The following WAPL variants were observed in gnomAD, a reference collection of about 807,000 sequenced individuals.
WAPL encodes the protein wings apart-like protein homolog.
A neutral mutation model predicts 121.0 loss-of-function variants in WAPL; 5 were observed. The ratio of observed to expected loss-of-function variants is 0.04; its 90% CI spans 0.02 to 0.09. The LOEUF is 0.09. Among genes scored for constraint, WAPL ranks in the 10% least tolerant of loss-of-function variants. WAPL has a pLI of 1.00. For synonymous variants in WAPL, 480 were observed against 481.5 expected (o/e 1.00, Z 0.04); for missense variants, 999 against 1,410.8 (o/e 0.71, Z 4.68).
rs143226860 is a variant in WAPL, at chr10:86,510,814, T to C, written c.499+6757A>G. ...GTCAAAAACTTTATTCGGTAAGTAT[T>C]AAAAATAGTTTGGTCATCATTCTTG... On this transcript the variant is annotated intron_variant, in intron 2 of 18. Transcript: ENST00000298767. Among the ~76,000 whole-genome samples, 243 of 152,012 alleles carry C rather than the reference T, an allele frequency of 1.6e-3. 1 individual carries two copies. The highest frequency in any genetic ancestry group is 5.4e-3 in the African/African-American group (226 of 41,542).
chr10:86,497,735 T>TA (rs1842176189), intron 3 of WAPL, among the ~76,000 whole-genome samples: 2 of 152,212 alleles, frequency 1.3e-5, no homozygotes, highest in Admixed American at 6.5e-5. Context: ...TTAAATCCAC[T>TA]AAATCATGTT....
Position 86,499,976 on chromosome 10 carries a change from C to G in WAPL, c.1267G>C (p.Asp423His), listed in dbSNP as rs1842216498. 2 of 1,614,100 alleles carry G rather than the reference C, an allele frequency of 1.2e-6. No individual in the cohort carries two copies. ...FRPSNTKSKK[D>H]VKLEFFGFED... is the part of the protein sequence containing the mutation. ...AAACCAAAAAATTCAAGTTTAACAT[C>G]CTTTTTGGATTTAGTATTACTAGGT... Residue 423 changes from aspartate to histidine, a missense_variant, in exon 3 of 19, where the codon GAT becomes CAT. Physicochemically the swap from Asp to His is moderately conservative, Grantham distance 81. This residue lies in a region of WAPL where 531 missense variants were observed against 563.1 expected (regional missense o/e 0.94). Coordinates refer to ENST00000298767, the MANE Select transcript of WAPL (RefSeq NM_015045.5).
Position 86,435,899 on chromosome 10 carries a change from T to C in WAPL, c.*1644A>G, listed in dbSNP as rs940877426. ...TATAACTAATTTAATTTTACGGGTA[T>C]CATTTACCAATATGTTTTTAAAAGT... is the stretch of plus-strand genomic sequence containing the variant. On this transcript the variant is annotated 3_prime_UTR_variant, in exon 19 of 19. Coordinates refer to ENST00000298767, the MANE Select transcript of WAPL (RefSeq NM_015045.5). 1 of 152,244 alleles carries C rather than the reference T, an allele frequency of 6.6e-6. No individual in the cohort carries two copies. The highest frequency in any genetic ancestry group is 2.1e-4 in the South Asian group (1 of 4,836). 9.4% of individuals were successfully genotyped at this position (152,244 alleles called of 1,614,324 possible). A position where few individuals can be genotyped will look rare whatever the true frequency, so the allele number is the denominator to read the frequency against.
At chr10:86,480,689 T>TA (rs1235405970) in intron 4 of WAPL, among the ~76,000 whole-genome samples, 7 of 152,234 alleles carry the variant, frequency 4.6e-5, no homozygotes, top group Admixed American at 2.6e-4. Flanking sequence ...CATTTTCCTT[T>TA]AAAAACATTT....
intron 3 of WAPL, among the ~76,000 whole-genome samples, chr10:86,499,468 G>A (rs759100694): frequency 1.3e-5 from 2 of 152,018 alleles, no homozygotes; most frequent in Non-Finnish European, 2.9e-5. Context: ...ATGTTTTTTC[G>A]TATACATACC....
At chr10:86,451,631 G>C (rs546990856) in intron 15 of WAPL, among the ~76,000 whole-genome samples, 4 of 151,978 alleles carry the variant, frequency 2.6e-5, no homozygotes, top group Non-Finnish European at 4.4e-5. Flanking sequence ...GACCTCAAGT[G>C]ATCCACTTGC....
At chr10:86,518,744 T>C (rs1842609466) in intron 1 of WAPL, among the ~76,000 whole-genome samples, 1 of 152,200 alleles carries the variant, frequency 6.6e-6, no homozygotes, top group Non-Finnish European at 1.5e-5. Flanking sequence ...TATCCAATAC[T>C]TGATTAAATT....
chr10:86,466,654 T>G (rs1278235602), intron 9 of WAPL, among the ~76,000 whole-genome samples: 1 of 150,394 alleles, frequency 6.6e-6, no homozygotes, highest in Middle Eastern at 3.2e-3. Flanking sequence ...TGTTTATCCC[T>G]GAAATCCATG....
intron 9 of WAPL, among the ~76,000 whole-genome samples, chr10:86,466,760 G>A (rs1012187812): frequency 3.3e-5 from 5 of 151,904 alleles, no homozygotes; most frequent in African/African-American, 7.3e-5. Context: ...GCAGGGGCAC[G>A]ACCTCGGCTC....
rs139363407 is a variant in WAPL at position 86,494,303 on chromosome 10, T to C, written c.1644+2898A>G. 8.9e-3 allele frequency among the ~76,000 whole-genome samples: 1,354 copies of C among 152,328 alleles called. 20 individuals carry two copies. The highest frequency in any genetic ancestry group is 0.031 in the African/African-American group (1,273 of 41,564). Reference sequence around the variant, plus strand: ...CTGCATGCAAAGTACAGTGGTTGTATGGAGAAAAAACCACCACTGTTTAAG... The same window carrying C: ...CTGCATGCAAAGTACAGTGGTTGTACGGAGAAAAAACCACCACTGTTTAAG... On this transcript the variant is annotated intron_variant, in intron 4 of 18. Coordinates refer to ENST00000298767, the MANE Select transcript of WAPL (RefSeq NM_015045.5).
chr10:86,464,071 T>G (rs183495729), intron 9 of WAPL, among the ~76,000 whole-genome samples: 2 of 152,350 alleles, frequency 1.3e-5, no homozygotes, highest in African/African-American at 4.8e-5. Flanking sequence ...CTATTTTAAA[T>G]TATCTTTTCA....
In WAPL at chr10:86,472,666, A is replaced by C. The variant is rs1841559666; in HGVS notation, c.1839T>G (p.Thr613=). 7.4e-6 allele frequency: 12 copies of C among 1,613,788 alleles called. No homozygotes were observed. Among genetic ancestry groups the C allele is most frequent in the Non-Finnish European group, 1.0e-5 (12 of 1,179,890 alleles). ...SKVIKTVTIP[T]QPYQDIVTAL... ...CAGTAACTATATCTTGGTAGGGCTG[A>C]GTAGGTATTGTCACAGTTTTTATCA... is the stretch of plus-strand genomic sequence containing the variant. The change falls in exon 6 of 19, where the codon ACT becomes ACG. Residue 613 remains threonine (T), a synonymous_variant. Coordinates refer to ENST00000298767, the MANE Select transcript of WAPL (RefSeq NM_015045.5). This position sits in a 1 kb window ranked among gnomAD's most constrained non-coding sequence, Gnocchi z 4.2.
intron 2 of WAPL, among the ~76,000 whole-genome samples, chr10:86,509,836 C>T (rs1196128326): frequency 3.3e-5 from 5 of 149,824 alleles, no homozygotes; most frequent in Non-Finnish European, 7.4e-5. Flanking sequence ...ATGGTCTCAG[C>T]TCACTGCAAC....
At chr10:86,462,645 C>T (rs912963174) in intron 9 of WAPL, among the ~76,000 whole-genome samples, 1 of 140,740 alleles carries the variant, frequency 7.1e-6, no homozygotes, top group South Asian at 2.2e-4. Flanking sequence ...TGCTTGAACC[C>T]GGGAGGTGGA....
At chr10:86,516,072 T>C (rs1382202618) in intron 2 of WAPL, among the ~76,000 whole-genome samples, 1 of 152,108 alleles carries the variant, frequency 6.6e-6, no homozygotes, top group African/African-American at 2.4e-5. Flanking sequence ...TTCACCATGT[T>C]GGCCAGGCTG....
chr10:86,496,673 A>T (rs1452974885), intron 4 of WAPL, among the ~76,000 whole-genome samples: 4 of 152,216 alleles, frequency 2.6e-5, no homozygotes, highest in African/African-American at 9.6e-5. Context: ...ATGGAATTTT[A>T]TTCAGCCATA....
chr10:86,516,807 C>T (rs370040999), intron 2 of WAPL, among the ~76,000 whole-genome samples: 1 of 151,968 alleles, frequency 6.6e-6, no homozygotes, highest in African/African-American at 2.4e-5. Context: ...TCAACACAGC[C>T]GGGCACGGTG....
At position 86,437,572 on chromosome 10, in the gene WAPL, T is replaced by G. The variant is rs779610109; in HGVS notation, c.3544A>C (p.Arg1182=). Residue 1182 remains arginine (R), a synonymous_variant, in exon 19 of 19, where the codon AGA becomes CGA. Transcript: ENST00000298767. The part of the protein sequence containing the change: ...VGTTGQKSIS[R]VIEYLEHC ...CAATGTTCCAAATATTCAATCACTC[T>G]AGAGATAGATTTCTGGCCAGTTGTT... 11 of 1,614,070 alleles carry G rather than the reference T, an allele frequency of 6.8e-6. No homozygotes were observed. Among genetic ancestry groups the G allele is most frequent in the Non-Finnish European group, 9.3e-6 (11 of 1,179,992 alleles).
chr10:86,451,791 C>T (rs895076419), intron 15 of WAPL, among the ~76,000 whole-genome samples, 176 bp downstream of exon 15: 1 of 152,132 alleles, frequency 6.6e-6, no homozygotes, highest in Admixed American at 6.6e-5. Context: ...AAAACAGTCC[C>T]TTTCTACCCC....
Sources: gnomAD v4.1 joint callset for allele counts (sites outside exome capture counted in the v4.1 genomes callset) on GRCh38, gnomAD v4.1.1 for gene constraint, gnomAD v4.1.1 regional missense constraint, Gnocchi (gnomAD v3.1) non-coding constraint, MANE v1.5 for transcripts, NCBI Gene and HGNC (gene_info 2026-07-23, HGNC 2026-07-21) for gene names.